SP100: variants seen among roughly 807,000 people sequenced by gnomAD.
SP100 encodes the protein nuclear autoantigen Sp-100.
Under a neutral mutation model 130.0 loss-of-function variants are expected in SP100, and 84 were observed. That is an observed-to-expected ratio of 0.65 (90% CI 0.54 to 0.77). The LOEUF (loss-of-function observed/expected upper bound fraction) is 0.77, where lower values mean the gene tolerates loss of function less well. Ranked by LOEUF, SP100 falls within the 30% of genes least tolerant of loss-of-function variation. The probability of loss-of-function intolerance (pLI) is 0.00; values close to 1 mark genes in which losing one functional copy is unlikely to be tolerated. For synonymous variants in SP100, 331 were observed against 351.7 expected (o/e 0.94, Z 0.66); for missense variants, 978 against 1,052.2 (o/e 0.93, Z 0.97).
intron 2 of SP100, among the ~76,000 whole-genome samples, chr2:230,430,527 C>T (rs1234129927): frequency 6.6e-6 from 1 of 152,220 alleles, no homozygotes; most frequent in East Asian, 1.9e-4. Flanking sequence ...TATGCCCCTC[C>T]CTTAGGTCCT....
At chr2:230,486,408 G>A (rs1418202764) in intron 17 of SP100, among the ~76,000 whole-genome samples, 3 of 152,132 alleles carry the variant, frequency 2.0e-5, no homozygotes, top group Non-Finnish European at 2.9e-5. Flanking sequence ...TCCCACTTAT[G>A]AGTGAGAACA....
At chr2:230,436,494 C>G (rs114516364) in intron 2 of SP100, among the ~76,000 whole-genome samples, 1 of 152,050 alleles carries the variant, frequency 6.6e-6, no homozygotes, top group Non-Finnish European at 1.5e-5. Context: ...GGGCCTCTTC[C>G]GCCTTCACCT....
chr2:230,501,305 A>G (rs1460063552), intron 19 of SP100, among the ~76,000 whole-genome samples: 1 of 152,140 alleles, frequency 6.6e-6, no homozygotes, highest in African/African-American at 2.4e-5. Flanking sequence ...CAAGTTTATA[A>G]TTCTTTTATA....
chr2:230,471,857 T>A (rs2065278184), intron 15 of SP100, among the ~76,000 whole-genome samples: 2 of 152,148 alleles, frequency 1.3e-5, no homozygotes, highest in Non-Finnish European at 2.9e-5. Context: ...GGAATTCAAA[T>A]ATTCCAGGTA....
chr2:230,434,469 C>A (rs1054410882), intron 2 of SP100, among the ~76,000 whole-genome samples: 1 of 151,824 alleles, frequency 6.6e-6, no homozygotes, highest in African/African-American at 2.4e-5. Context: ...AATCAGTGGA[C>A]AAAACAGACA....
At chr2:230,527,479 T>G (rs1691484966) in intron 24 of SP100, among the ~76,000 whole-genome samples, 1 of 152,164 alleles carries the variant, frequency 6.6e-6, no homozygotes, top group African/African-American at 2.4e-5. Context: ...ACATTCCAAA[T>G]GTTAAAGACC....
At chr2:230,525,758 T>G (rs1030539527) in intron 24 of SP100, among the ~76,000 whole-genome samples, 12 of 152,228 alleles carry the variant, frequency 7.9e-5, no homozygotes, top group African/African-American at 2.9e-4. Flanking sequence ...CATGCCTGCT[T>G]CAGCAGGTCC....
At chr2:230,419,153 A>T (rs2062699012) in intron 2 of SP100, among the ~76,000 whole-genome samples, 1 of 152,164 alleles carries the variant, frequency 6.6e-6, no homozygotes, top group Non-Finnish European at 1.5e-5. Context: ...TTATGCCATT[A>T]TTAACTAAAG....
chr2:230,461,930 C>G (rs1466511941), intron 9 of SP100, among the ~76,000 whole-genome samples: 2 of 144,152 alleles, frequency 1.4e-5, no homozygotes, highest in Non-Finnish European at 3.0e-5. Flanking sequence ...GCTTGGGCAA[C>G]AGAGCAAGAC....
intron 19 of SP100, among the ~76,000 whole-genome samples, chr2:230,502,640 A>G (rs1168262881): frequency 1.3e-5 from 2 of 152,312 alleles, no homozygotes; most frequent in South Asian, 2.1e-4. Flanking sequence ...TTGCTTGGGA[A>G]GCAGGTAAAA....
chr2:230,426,126 A>T (rs1373736809), intron 2 of SP100, among the ~76,000 whole-genome samples: 5 of 152,034 alleles, frequency 3.3e-5, no homozygotes, highest in African/African-American at 1.2e-4. Context: ...TATTTATTTG[A>T]GACTTGTCTC....
At chr2:230,463,720 TA>T (rs1300150300) in intron 10 of SP100, 1 of 171,210 alleles carries the variant, frequency 5.8e-6, no homozygotes, top group African/African-American at 2.4e-5. Flanking sequence ...TGGTGGGAGG[TA>T]GAAAAAGCTC....
In SP100 at chr2:230,544,748, TG is replaced by T. The variant is rs1692267055; in HGVS notation, c.*1805del. On this transcript the variant is annotated 3_prime_UTR_variant, in exon 29 of 29. Transcript: ENST00000340126. ...CACCCACCTCGGCCTCCCAAAGTGCTGGGATTACAGGCATCAGCCACCATGC... is the reference window on the plus strand; with the variant it reads ...CACCCACCTCGGCCTCCCAAAGTGCTGGATTACAGGCATCAGCCACCATGC... Among the ~76,000 whole-genome samples, 1 of 152,196 alleles carries T rather than the reference TG, an allele frequency of 6.6e-6. No homozygotes were observed. Among genetic ancestry groups the T allele is most frequent in the Non-Finnish European group, 1.5e-5 (1 of 68,040 alleles).
At chr2:230,534,301 G>A (rs1012284223) in intron 24 of SP100, among the ~76,000 whole-genome samples, 6 of 152,200 alleles carry the variant, frequency 3.9e-5, no homozygotes, top group Non-Finnish European at 8.8e-5. Flanking sequence ...AGCTACTCGG[G>A]AGGCTGAGGC....
intron 16 of SP100, 48 bp downstream of exon 16, chr2:230,473,488 A>C: frequency 1.4e-4 from 158 of 1,114,988 alleles, no homozygotes; most frequent in Non-Finnish European, 2.0e-4. Flanking sequence ...AGTGGATATC[A>C]CAGACACTGG....
intron 3 of SP100, 138 bp from the exon 4 acceptor site, chr2:230,444,040 T>C: frequency 3.1e-6 from 2 of 638,236 alleles, no homozygotes; most frequent in East Asian, 3.0e-5. Flanking sequence ...GCTATACAAA[T>C]AAGTAAAAAT....
chr2:230,425,202 A>G (rs1392613039), intron 2 of SP100, among the ~76,000 whole-genome samples: 9 of 152,330 alleles, frequency 5.9e-5, no homozygotes, highest in Admixed American at 5.2e-4. Context: ...TATGTAATAC[A>G]TTATTGTTAA....
intron 8 of SP100, among the ~76,000 whole-genome samples, chr2:230,459,448 G>A (rs1232044653): frequency 6.6e-6 from 1 of 152,034 alleles, no homozygotes; most frequent in Non-Finnish European, 1.5e-5. Flanking sequence ...CCTCTCCATG[G>A]CTCAATCACC....
At chr2:230,470,527 C>A in intron 15 of SP100, 1 of 551,824 alleles carries the variant, frequency 1.8e-6, no homozygotes, top group Non-Finnish European at 2.3e-6. Context: ...CAAACACTCT[C>A]AAACGTTAGT....
Sources: allele counts gnomAD v4.1 joint callset (sites outside exome capture counted in the v4.1 genomes callset), GRCh38; gene constraint gnomAD v4.1.1; transcripts MANE v1.5; gene names NCBI Gene and HGNC (gene_info 2026-07-23, HGNC 2026-07-21).